Variants in CDH11 observed in about 807,000 individuals in gnomAD.
CDH11 encodes cadherin 11.
CDH11 carries 11 observed loss-of-function variants against 67.8 expected under a neutral mutation model. The observed-to-expected ratio is 0.16, with a 90% CI of 0.10 to 0.27. The LOEUF (loss-of-function observed/expected upper bound fraction) is 0.27, where lower values mean the gene tolerates loss of function less well. Ranked by LOEUF, CDH11 falls within the 10% of genes least tolerant of loss-of-function variation. The pLI, the probability that CDH11 is intolerant of heterozygous loss-of-function variation, is 1.00. For missense variants in CDH11, 847 were observed against 1,031.2 expected (o/e 0.82, Z 2.45); for synonymous variants, 419 against 400.0 (o/e 1.05, Z -0.57).
intron 11 of CDH11, among the ~76,000 whole-genome samples, chr16:64,965,306 C>T (rs973341992): frequency 1.2e-4 from 18 of 150,606 alleles, no homozygotes; most frequent in Admixed American, 1.0e-3. Context: ...TGCTAAAATA[C>T]GCGAGGTGGA....
intron 11 of CDH11, among the ~76,000 whole-genome samples, chr16:64,970,969 C>A (rs1054466329): frequency 3.9e-5 from 6 of 152,156 alleles, no homozygotes; most frequent in Non-Finnish European, 5.9e-5. Context: ...ACTACAAAAA[C>A]AAAAACATCT....
chr16:64,978,762 T>C (rs1567504223), intron 8 of CDH11, among the ~76,000 whole-genome samples: 1 of 152,176 alleles, frequency 6.6e-6, no homozygotes, highest in Non-Finnish European at 1.5e-5. Flanking sequence ...GACCCCTTCC[T>C]GACAACATAC....
intron 1 of CDH11, among the ~76,000 whole-genome samples, chr16:65,114,540 T>C (rs1175775152): frequency 6.6e-6 from 1 of 151,864 alleles, no homozygotes; most frequent in Non-Finnish European, 1.5e-5. Flanking sequence ...ACAGACTAGA[T>C]GAGGTACCGA....
chr16:65,084,306 A>G (rs1188628349), intron 1 of CDH11, among the ~76,000 whole-genome samples: 1 of 135,378 alleles, frequency 7.4e-6, no homozygotes, highest in African/African-American at 2.5e-5. Context: ...CTGGGCAAAC[A>G]TTAGTTGCAC....
In CDH11 at chr16:65,121,947, G is replaced by C. The variant is rs1312417187; in HGVS notation, c.-365C>G. The C allele has an allele frequency of 2.8e-6, 2 of 701,854 alleles. No homozygotes were observed. The highest frequency in any genetic ancestry group is 3.0e-5 in the South Asian group (2 of 67,562). 43.5% of individuals were successfully genotyped at this position (701,854 alleles called of 1,614,324 possible). On this transcript the variant is annotated 5_prime_UTR_variant, in exon 1 of 13. Transcript: ENST00000268603. The surrounding 1 kb of genome is among the most constrained non-coding windows in gnomAD (Gnocchi z 4.1). The stretch of plus-strand genomic sequence containing the variant: ...CCTGGCGCAGGGCAAGCGCTGCGGT[G>C]TCAGTCCCGGCCCCAGTCCCGGTCC...
chr16:64,994,230 C>T (rs1163030122), intron 4 of CDH11, among the ~76,000 whole-genome samples: 1 of 152,024 alleles, frequency 6.6e-6, no homozygotes, highest in African/African-American at 2.4e-5. Context: ...GGAGCTCTTC[C>T]CATTTGTCAG....
intron 2 of CDH11, among the ~76,000 whole-genome samples, chr16:65,019,379 G>T (rs2142572144): frequency 6.6e-6 from 1 of 152,220 alleles, no homozygotes; most frequent in African/African-American, 2.4e-5. Flanking sequence ...ATAAAGTGGA[G>T]ACTTAATTTT....
In CDH11 at chr16:65,110,071, G is replaced by A. The variant is rs539897871; in HGVS notation, c.-298+11809C>T. Among the ~76,000 whole-genome samples, 9 of 152,090 alleles carry A rather than the reference G, an allele frequency of 5.9e-5. No individual in the cohort carries two copies. The South Asian group carries it at 1.5e-3, about 25-fold the overall frequency. The stretch of plus-strand genomic sequence containing the variant: ...TTTTTTGTAAAGATGAGGTTTCATC[G>A]TATTGCCCAAGCTGGTCTCAAACTC... On this transcript the variant is annotated intron_variant, in intron 1 of 12. Coordinates refer to ENST00000268603, the MANE Select transcript of CDH11 (RefSeq NM_001797.4).
intron 1 of CDH11, among the ~76,000 whole-genome samples, chr16:65,091,274 T>A (rs1053476061): frequency 6.6e-6 from 1 of 152,226 alleles, no homozygotes; most frequent in African/African-American, 2.4e-5. Flanking sequence ...GATAGATATT[T>A]TTGTGCATCT....
intron 4 of CDH11, among the ~76,000 whole-genome samples, chr16:64,997,068 G>A (rs1270611638): frequency 3.3e-5 from 5 of 152,006 alleles, no homozygotes; most frequent in Admixed American, 6.6e-5. Context: ...GGAGGCTGAG[G>A]TGGGTGGATC....
upstream of CDH11, chr16:65,122,087 AG>A (rs1174353471): frequency 2.8e-6 from 1 of 355,012 alleles, no homozygotes; most frequent in African/African-American, 2.5e-5. Context: ...CGCTAGTGGC[AG>A]GAATGAGAAA....
upstream of CDH11, among the ~76,000 whole-genome samples, chr16:65,123,419 G>C (rs574516462): frequency 6.6e-6 from 1 of 152,090 alleles, no homozygotes; most frequent in Admixed American, 6.5e-5. Flanking sequence ...CAAGCAGTTT[G>C]AAAGGGCTAG....
At chr16:64,971,134 G>A (rs2071992589) in intron 11 of CDH11, among the ~76,000 whole-genome samples, 1 of 152,128 alleles carries the variant, frequency 6.6e-6, no homozygotes, top group South Asian at 2.1e-4. Flanking sequence ...ATTGAGCTCT[G>A]TACCCAGCCA....
At chr16:64,998,037 C>G (rs1168367041) in intron 4 of CDH11, among the ~76,000 whole-genome samples, 1 of 152,138 alleles carries the variant, frequency 6.6e-6, no homozygotes, top group Non-Finnish European at 1.5e-5. Context: ...AAAAAATTAT[C>G]CTTTAGCAAC....
At chr16:65,042,368 G>A (rs1000311557) in intron 2 of CDH11, among the ~76,000 whole-genome samples, 2 of 152,174 alleles carry the variant, frequency 1.3e-5, no homozygotes, top group African/African-American at 4.8e-5. Context: ...TATGGCTTCA[G>A]AGGTTGTGAA....
At chr16:65,021,876 G>GAAAAAAAAA (rs35700448) in intron 2 of CDH11, among the ~76,000 whole-genome samples, 29 of 109,802 alleles carry the variant, frequency 2.6e-4, no homozygotes, top group Non-Finnish European at 3.1e-4. Context: ...AAGTAACTCA[G>GAAAAAAAAA]AAAAAAAAAA....
At chr16:65,035,215 T>C (rs2073728961) in intron 2 of CDH11, among the ~76,000 whole-genome samples, 1 of 152,232 alleles carries the variant, frequency 6.6e-6, no homozygotes, top group East Asian at 1.9e-4. Context: ...GGCTTCCTAA[T>C]CCCTTGCATC....
chr16:65,001,727 C>G (rs937989690), intron 3 of CDH11, among the ~76,000 whole-genome samples: 1 of 150,964 alleles, frequency 6.6e-6, no homozygotes, highest in Non-Finnish European at 1.5e-5. Context: ...TTTTTTGTGT[C>G]TAACAAAGAT....
chr16:65,004,979 G>T lies in CDH11; in HGVS notation c.-110C>A, dbSNP rs2073016547. Reference sequence around the variant, plus strand: ...GGACGCGTCACGCAGACCTCTCTTGGGATGGAATGTCTCTGCTGGTTGAGC... The same window carrying T: ...GGACGCGTCACGCAGACCTCTCTTGTGATGGAATGTCTCTGCTGGTTGAGC... On this transcript the variant is annotated 5_prime_UTR_variant, in exon 3 of 13. Transcript: ENST00000268603. The T allele has an allele frequency of 1.2e-5, 17 of 1,425,168 alleles. No homozygotes were observed. Among genetic ancestry groups the T allele is most frequent in the East Asian group, 2.7e-5 (1 of 37,520 alleles). The allele number at this position is 1,425,168 out of a possible 1,614,324, so 88.3% of individuals were successfully genotyped here.
Sources: gnomAD v4.1 joint callset for allele counts (sites outside exome capture counted in the v4.1 genomes callset) on GRCh38, gnomAD v4.1.1 for gene constraint, Gnocchi (gnomAD v3.1) non-coding constraint, MANE v1.5 for transcripts, NCBI Gene and HGNC (gene_info 2026-07-23, HGNC 2026-07-21) for gene names.